TMEM245: variants seen among roughly 807,000 people sequenced by gnomAD.
TMEM245 encodes the protein protein CG-2.
In TMEM245, 69 loss-of-function variants were observed where a neutral mutation model predicts 101.2. The observed-to-expected ratio is 0.68, with a 90% CI of 0.56 to 0.83. The LOEUF is 0.83. Among genes scored for constraint, TMEM245 ranks in the 40% least tolerant of loss-of-function variants. The pLI is 0.00. For synonymous variants in TMEM245, 537 were observed against 449.8 expected, an observed-to-expected ratio of 1.19 and a Z score of -2.45; for missense variants, 1,075 against 1,092.8, an observed-to-expected ratio of 0.98 and a Z score of 0.23.
At position 109,093,603 on chromosome 9, in the gene TMEM245, G is replaced by A; in HGVS notation, c.800-12C>T. On this transcript the variant is annotated splice_polypyrimidine_tract_variant and intron_variant, in intron 3 of 17. Coordinates refer to ENST00000374586, the MANE Select transcript of TMEM245 (RefSeq NM_032012.4). ...TGGTAACTCTGCCCCTGTAAAAGAAGCATCCATTTTCAAAACTCTTTAAAG... is the reference window on the plus strand; with the variant it reads ...TGGTAACTCTGCCCCTGTAAAAGAAACATCCATTTTCAAAACTCTTTAAAG... The A allele has an allele frequency of 6.2e-7, 1 of 1,607,362 alleles. No homozygotes were observed. Among genetic ancestry groups the A allele is most frequent in the Non-Finnish European group, 8.5e-7 (1 of 1,174,550 alleles).
intron 4 of TMEM245, among the ~76,000 whole-genome samples, chr9:109,092,605 G>A (rs1830036956): frequency 6.6e-6 from 1 of 152,218 alleles, no homozygotes; most frequent in African/African-American, 2.4e-5. Flanking sequence ...AATTCCATGT[G>A]CAAGAAAAAT....
intron 9 of TMEM245, among the ~76,000 whole-genome samples, 186 bp from the exon 10 acceptor site, chr9:109,064,753 G>A (rs1226640461): frequency 6.6e-6 from 1 of 152,126 alleles, no homozygotes. Flanking sequence ...CATTCAGGAT[G>A]TCCTTTCAAT....
chr9:109,063,203 T>C (rs974155528), intron 10 of TMEM245, among the ~76,000 whole-genome samples: 3 of 151,746 alleles, frequency 2.0e-5, no homozygotes, highest in African/African-American at 7.3e-5. Context: ...CACTGCAACC[T>C]CTGCCTCCCG....
chr9:109,056,440 CA>C (rs753175633), intron 12 of TMEM245, among the ~76,000 whole-genome samples: 9,693 of 36,674 alleles, frequency 0.26, 336 homozygotes, highest in South Asian at 0.31. Flanking sequence ...ACTAAAAATG[CA>C]AAAAAAAAAA....
chr9:109,108,082 A>G (rs1261317522), intron 2 of TMEM245, among the ~76,000 whole-genome samples: 1 of 152,148 alleles, frequency 6.6e-6, no homozygotes, highest in Non-Finnish European at 1.5e-5. Context: ...TCTTATCCAG[A>G]GTAAACATCT....
intron 9 of TMEM245, among the ~76,000 whole-genome samples, chr9:109,066,739 A>T (rs557145796): frequency 7.7e-4 from 116 of 151,590 alleles, no homozygotes; most frequent in Admixed American, 2.1e-3. Flanking sequence ...TAATGATAAC[A>T]CTCTCCTGTA....
rs141761374 is a variant in TMEM245 at position 109,086,222 on chromosome 9, T to C, written c.1321-202A>G. Among the ~76,000 whole-genome samples the C allele has an allele frequency of 1.2e-4, 18 of 152,336 alleles. No individual in the cohort carries two copies. In the East Asian group the frequency reaches 1.9e-3, roughly 16 times the overall value. ...AGTATTCCTTTAAGATATATAATGA[T>C]TGAAATGATGATAACCACATCTTTG... On this transcript the variant is annotated intron_variant, in intron 6 of 17. Transcript: ENST00000374586.
At chr9:109,112,795 C>T (rs1830601013) in intron 1 of TMEM245, among the ~76,000 whole-genome samples, 1 of 151,866 alleles carries the variant, frequency 6.6e-6, no homozygotes, top group Non-Finnish European at 1.5e-5. Context: ...AGGGATAATT[C>T]GGCCGGGCGC....
At chr9:109,110,238 C>T (rs1296234811) in intron 1 of TMEM245, among the ~76,000 whole-genome samples, 1 of 152,068 alleles carries the variant, frequency 6.6e-6, no homozygotes, top group Non-Finnish European at 1.5e-5. Context: ...TAATAGTACA[C>T]TTATATAACA....
chr9:109,085,514 T>C (rs1007212680), intron 7 of TMEM245, among the ~76,000 whole-genome samples: 2 of 152,234 alleles, frequency 1.3e-5, no homozygotes, highest in African/African-American at 4.8e-5. Flanking sequence ...TTTGAAATAC[T>C]AGTTATTTAA....
chr9:109,033,822 G>C (rs899615271), intron 16 of TMEM245, among the ~76,000 whole-genome samples: 2 of 152,200 alleles, frequency 1.3e-5, no homozygotes, highest in Non-Finnish European at 2.9e-5. Context: ...GTTGGCTTGG[G>C]ACTGGTTAGG....
intron 17 of TMEM245, among the ~76,000 whole-genome samples, chr9:109,025,978 T>C (rs1050681050): frequency 2.0e-5 from 3 of 152,232 alleles, no homozygotes; most frequent in Admixed American, 6.5e-5. Context: ...ACAAGTTTTT[T>C]TGCAGTGTGG....
intron 17 of TMEM245, among the ~76,000 whole-genome samples, chr9:109,022,233 G>A (rs1475018625): frequency 6.6e-6 from 1 of 152,150 alleles, no homozygotes; most frequent in African/African-American, 2.4e-5. Context: ...TAAGCCTCTG[G>A]ATCTCTGAAG....
rs190561744 is a variant in TMEM245 at position 109,018,674 on chromosome 9, A to G, written c.*1786T>C. ...GGAGATGTTTTAGGAAAAATTATTA[A>G]TATTTCTACCTTTAAATACTTTCCA... On this transcript the variant is annotated 3_prime_UTR_variant, in exon 18 of 18. Transcript: ENST00000374586. The G allele has an allele frequency of 7.2e-5, 11 of 152,272 alleles. No individual in the cohort carries two copies. In the East Asian group the frequency reaches 1.7e-3, roughly 24 times the overall value. The allele number at this position is 152,272 out of a possible 1,614,324, so 9.4% of individuals were successfully genotyped here. A position where few individuals can be genotyped will look rare whatever the true frequency, so the allele number is the denominator to read the frequency against.
intron 14 of TMEM245, among the ~76,000 whole-genome samples, chr9:109,048,528 A>G (rs374172931): frequency 6.6e-6 from 1 of 152,232 alleles, no homozygotes; most frequent in African/African-American, 2.4e-5. Flanking sequence ...AAGATTTGCT[A>G]TTCAAGAGAT....
At chr9:109,076,386 G>A (rs1588055049) in intron 8 of TMEM245, among the ~76,000 whole-genome samples, 1 of 892 alleles carries the variant, frequency 1.1e-3, no homozygotes. Context: ...ACTGTGGGGT[G>A]GGGGGGAGGG....
At chr9:109,076,681 C>G (rs191270121) in intron 8 of TMEM245, among the ~76,000 whole-genome samples, 1 of 152,094 alleles carries the variant, frequency 6.6e-6, no homozygotes, top group East Asian at 1.9e-4. Context: ...TAATTTAATT[C>G]TGTGTCAGGA....
chr9:109,038,325 T>C (rs942253179), intron 14 of TMEM245: 1 of 376,774 alleles, frequency 2.7e-6, no homozygotes, highest in Admixed American at 4.5e-5. Flanking sequence ...ATATGAAATA[T>C]GTTTTATTTG....
intron 14 of TMEM245, among the ~76,000 whole-genome samples, chr9:109,048,172 T>C (rs78568796): frequency 6.6e-6 from 1 of 152,188 alleles, no homozygotes; most frequent in African/African-American, 2.4e-5. Flanking sequence ...GAGGACACTA[T>C]ACAGGTGTTA....
Sources: allele counts gnomAD v4.1 joint callset (sites outside exome capture counted in the v4.1 genomes callset), GRCh38; gene constraint gnomAD v4.1.1; transcripts MANE v1.5; gene names NCBI Gene and HGNC (gene_info 2026-07-23, HGNC 2026-07-21).